Variants in GHR observed in about 807,000 individuals in gnomAD.
GHR encodes the protein growth hormone receptor.
A neutral mutation model predicts 67.1 loss-of-function variants in GHR; 35 were observed. The observed-to-expected ratio is 0.52, with a 90% CI of 0.40 to 0.69. GHR has a LOEUF of 0.69. GHR is among the 30% of genes least tolerant of loss of function. The pLI is 0.00. For missense variants in GHR, 792 were observed against 764.6 expected (o/e 1.04, Z -0.42); for synonymous variants, 272 against 269.1 (o/e 1.01, Z -0.10).
At chr5:42,448,478 G>C (rs1205143152) in intron 1 of GHR, among the ~76,000 whole-genome samples, 1 of 151,640 alleles carries the variant, frequency 6.6e-6, no homozygotes, top group African/African-American at 2.4e-5. Flanking sequence ...TGAGTTCCTT[G>C]TAGATTCTGG....
chr5:42,506,435 G>A (rs1344586200), intron 1 of GHR, among the ~76,000 whole-genome samples: 1 of 152,124 alleles, frequency 6.6e-6, no homozygotes, highest in African/African-American at 2.4e-5. Flanking sequence ...CTTGAACTTA[G>A]GTTTGTTTTA....
intron 3 of GHR, among the ~76,000 whole-genome samples, chr5:42,658,942 G>C (rs564335639): frequency 6.6e-6 from 1 of 152,266 alleles, no homozygotes; most frequent in South Asian, 2.1e-4. Flanking sequence ...GTTATGAAGA[G>C]AGTTGTCTAA....
At chr5:42,669,919 G>A (rs1305549076) in intron 3 of GHR, among the ~76,000 whole-genome samples, 1 of 152,110 alleles carries the variant, frequency 6.6e-6, no homozygotes, top group Non-Finnish European at 1.5e-5. Flanking sequence ...TGGATTGGAA[G>A]AATTAATATT....
chr5:42,645,982 C>T (rs925028080), intron 3 of GHR, among the ~76,000 whole-genome samples: 2 of 152,102 alleles, frequency 1.3e-5, no homozygotes, highest in African/African-American at 4.8e-5. Context: ...AAAATGAAAA[C>T]AAAAATGCAC....
chr5:42,609,785 G>T (rs904122070), intron 2 of GHR, among the ~76,000 whole-genome samples: 9 of 152,092 alleles, frequency 5.9e-5, no homozygotes, highest in Non-Finnish European at 1.0e-4. Context: ...TCTTGAAAAA[G>T]ATATCCTTTG....
At chr5:42,632,728 T>C (rs1345428971) in intron 3 of GHR, among the ~76,000 whole-genome samples, 1 of 152,170 alleles carries the variant, frequency 6.6e-6, no homozygotes, top group African/African-American at 2.4e-5. Context: ...ATACTCCACT[T>C]ATGCAAAGGT....
intron 3 of GHR, among the ~76,000 whole-genome samples, chr5:42,654,531 A>C (rs1009279917): frequency 2.6e-5 from 4 of 152,096 alleles, no homozygotes; most frequent in African/African-American, 9.7e-5. Flanking sequence ...ACTGTCTTCC[A>C]AATGTGAGCC....
chr5:42,579,515 T>G (rs1030938860), intron 2 of GHR, among the ~76,000 whole-genome samples: 36 of 152,336 alleles, frequency 2.4e-4, no homozygotes, highest in Admixed American at 1.2e-3. Flanking sequence ...CACATTTGTT[T>G]TGGAAGATCA....
intron 4 of GHR, among the ~76,000 whole-genome samples, chr5:42,693,100 C>T (rs948153144): frequency 2.6e-5 from 4 of 151,782 alleles, no homozygotes; most frequent in African/African-American, 9.7e-5. Context: ...TGCCCATTTA[C>T]TTTTTGCATC....
chr5:42,523,515 T>A (rs919824781), intron 1 of GHR, among the ~76,000 whole-genome samples: 6 of 152,152 alleles, frequency 3.9e-5, no homozygotes, highest in Admixed American at 3.9e-4. Flanking sequence ...TTGATGCTAT[T>A]ATTATGTTGT....
chr5:42,664,306 G>A lies in GHR; in HGVS notation c.137-24584G>A, dbSNP rs1456019778. On this transcript the variant is annotated intron_variant, in intron 3 of 9. Transcript: ENST00000230882. Reference sequence around the variant, plus strand: ...GCCAAGTCAATCCTAAGCCAAAAGAGCAAAGCTGGAGGCATCACACTACCT... The same window carrying A: ...GCCAAGTCAATCCTAAGCCAAAAGAACAAAGCTGGAGGCATCACACTACCT... Among the ~76,000 whole-genome samples, 20 of 152,118 alleles carry A rather than the reference G, an allele frequency of 1.3e-4. 2 individuals are homozygous for A. In the South Asian group the frequency reaches 2.3e-3, roughly 17 times the overall value.
intron 1 of GHR, among the ~76,000 whole-genome samples, chr5:42,552,678 C>A (rs986685347): frequency 6.6e-6 from 1 of 152,148 alleles, no homozygotes; most frequent in Non-Finnish European, 1.5e-5. Flanking sequence ...CAAGCAATTT[C>A]ATTTCATCTG....
chr5:42,519,020 G>T (rs182602130), intron 1 of GHR, among the ~76,000 whole-genome samples: 2 of 152,290 alleles, frequency 1.3e-5, no homozygotes, highest in African/African-American at 4.8e-5. Context: ...TCCCTGTGCT[G>T]GAGTGTTTAG....
chr5:42,510,591 G>T (rs1579842976), intron 1 of GHR, among the ~76,000 whole-genome samples: 1 of 152,204 alleles, frequency 6.6e-6, no homozygotes. Context: ...ATAAAAAACT[G>T]TAGCAATAAC....
chr5:42,715,606 A>G lies in GHR; in HGVS notation c.875+2087A>G, dbSNP rs1758683923. Among the ~76,000 whole-genome samples the G allele has an allele frequency of 2.0e-5, 3 of 152,350 alleles. No individual in the cohort carries two copies. The South Asian group carries it at 6.2e-4, about 32-fold the overall frequency. On this transcript the variant is annotated intron_variant, in intron 8 of 9. Coordinates refer to ENST00000230882, the MANE Select transcript of GHR (RefSeq NM_000163.5). ...CTTTGAGCTGTTACCAATTGAGGAA[A>G]GAAATAACTGAATCAGCCTAAAATA...
chr5:42,679,813 T>C (rs1280399692), intron 3 of GHR, among the ~76,000 whole-genome samples: 1 of 152,092 alleles, frequency 6.6e-6, no homozygotes, highest in Non-Finnish European at 1.5e-5. Flanking sequence ...TTATATTACA[T>C]ATAAAATGTG....
At position 42,605,039 on chromosome 5, in the gene GHR, G is replaced by C. The variant is rs1752558501; in HGVS notation, c.71-23999G>C. ...CTCCCAGTCTTGTCAAACTGGCTTTGTGTAGCAGAGGTACCTCACCAATCA... is the reference window on the plus strand; with the variant it reads ...CTCCCAGTCTTGTCAAACTGGCTTTCTGTAGCAGAGGTACCTCACCAATCA... On this transcript the variant is annotated intron_variant, in intron 2 of 9. Transcript: ENST00000230882. Among the ~76,000 whole-genome samples, 7 of 148,410 alleles carry C rather than the reference G, an allele frequency of 4.7e-5. No individual in the cohort carries two copies. In the South Asian group the frequency reaches 1.5e-3, roughly 32 times the overall value.
intron 1 of GHR, among the ~76,000 whole-genome samples, chr5:42,502,791 A>C (rs1398438952): frequency 6.8e-6 from 1 of 148,140 alleles, no homozygotes; most frequent in African/African-American, 2.4e-5. Context: ...TATATTTAAA[A>C]TATATTTTAT....
chr5:42,493,218 CTTGCTGTG>C (rs1278489778), intron 1 of GHR, among the ~76,000 whole-genome samples: 1 of 152,108 alleles, frequency 6.6e-6, no homozygotes. Context: ...AGACAGAGAC[CTTGCTGTG>C]TTAAGTGAAA....
Sources: gnomAD v4.1 joint callset for allele counts (sites outside exome capture counted in the v4.1 genomes callset) on GRCh38, gnomAD v4.1.1 for gene constraint, MANE v1.5 for transcripts, NCBI Gene and HGNC (gene_info 2026-07-23, HGNC 2026-07-21) for gene names.